The following RMI1 variants were observed in gnomAD, a reference collection of about 807,000 sequenced individuals.
RMI1 encodes recQ-mediated genome instability protein 1.
In RMI1, 36 loss-of-function variants were observed where a neutral mutation model predicts 46.7. The ratio of observed to expected loss-of-function variants is 0.77; its 90% CI spans 0.59 to 1.02. RMI1 has a LOEUF of 1.02. Ranked by LOEUF, RMI1 falls within the 50% of genes least tolerant of loss-of-function variation. The pLI, the probability that RMI1 is intolerant of heterozygous loss-of-function variation, is 0.00. For synonymous variants in RMI1, 250 were observed against 252.9 expected (o/e 0.99, Z 0.11); for missense variants, 676 against 713.7 (o/e 0.95, Z 0.60).
rs774001021 is a variant in RMI1 at position 84,001,736 on chromosome 9, T to C, written c.750T>C (p.Ser250=). The C allele has an allele frequency of 1.2e-6, 2 of 1,613,894 alleles. No individual in the cohort carries two copies. Among genetic ancestry groups the C allele is most frequent in the East Asian group, 4.5e-5 (2 of 44,880 alleles). The change falls in exon 3 of 3, where the codon AGT becomes AGC. Residue 250 remains serine, a synonymous_variant. Transcript: ENST00000445877. ...CTTCTGATGAAGAACTCTTGGCAAG[T>C]CTTGATGAAAATGATGAGCTTACAG... ...LGPSDEELLA[S]LDENDELTAN...
intron 1 of RMI1, among the ~76,000 whole-genome samples, chr9:83,995,118 G>T (rs1957630601): frequency 6.6e-6 from 1 of 152,060 alleles, no homozygotes; most frequent in Non-Finnish European, 1.5e-5. Context: ...TCCTGCCTAA[G>T]CCTCCCGAGT....
At chr9:83,984,200 C>G (rs149027198) in intron 1 of RMI1, among the ~76,000 whole-genome samples, 1 of 151,134 alleles carries the variant, frequency 6.6e-6, no homozygotes, top group Non-Finnish European at 1.5e-5. Flanking sequence ...TATGGCTTTT[C>G]TTTGTCCTTA....
At chr9:83,992,138 T>A (rs1223597232) in intron 1 of RMI1, among the ~76,000 whole-genome samples, 1 of 152,182 alleles carries the variant, frequency 6.6e-6, no homozygotes, top group Non-Finnish European at 1.5e-5. Flanking sequence ...TCCATTTGCT[T>A]AGGTTGTTTT....
At chr9:84,000,084 A>G (rs1312619255) in intron 2 of RMI1, among the ~76,000 whole-genome samples, 2 of 152,226 alleles carry the variant, frequency 1.3e-5, no homozygotes, top group Non-Finnish European at 2.9e-5. Context: ...TTCAAGTACT[A>G]AATGGACAGA....
At chr9:83,988,166 G>T (rs1410383874) in intron 1 of RMI1, among the ~76,000 whole-genome samples, 1 of 152,178 alleles carries the variant, frequency 6.6e-6, no homozygotes, top group Non-Finnish European at 1.5e-5. Context: ...TTACAGGTGT[G>T]TGCCACCACA....
intron 1 of RMI1, among the ~76,000 whole-genome samples, chr9:83,988,307 CTTTTG>C (rs1386917731): frequency 6.6e-6 from 1 of 152,050 alleles, no homozygotes; most frequent in African/African-American, 2.4e-5. Flanking sequence ...AACTGTTTTC[CTTTTG>C]TTTTGTTTTG....
In RMI1 at chr9:83,999,184, AAAAT is replaced by A. The variant is rs1329287684; in HGVS notation, c.-125-521_-125-518del. On this transcript the variant is annotated intron_variant, in intron 1 of 2. Coordinates refer to ENST00000445877, the MANE Select transcript of RMI1 (RefSeq NM_001358291.2). ...AGAATAAAATAGAATAGAATAAAAT[AAAAT>A]AAAAAAAAATAAAATAACAATAAGT... is the stretch of plus-strand genomic sequence containing the variant. Among the ~76,000 whole-genome samples, 611 of 109,500 alleles carry A rather than the reference AAAAT, an allele frequency of 5.6e-3. 3 individuals carry two copies. The highest frequency in any genetic ancestry group is 8.8e-3 in the Admixed American group (82 of 9,268). 71.8% of individuals were successfully genotyped at this position (109,500 alleles called of 152,430 possible). A position where few individuals can be genotyped will look rare whatever the true frequency, so the allele number is the denominator to read the frequency against.
chr9:83,992,736 A>G (rs892367489), intron 1 of RMI1, among the ~76,000 whole-genome samples: 5 of 152,272 alleles, frequency 3.3e-5, no homozygotes, highest in East Asian at 1.9e-4. Context: ...TAAAAGTAAA[A>G]TTGACTTTTG....
rs1392740034 is a variant in RMI1, at chr9:83,997,100, A to AC, written c.-125-2601dup. On this transcript the variant is annotated intron_variant, in intron 1 of 2. Transcript: ENST00000445877. ...TTTTAAAGGTAGAGGTAAGTCCAACACCCCCCCCTTTTTTTTTTTTTTTTT... is the reference window on the plus strand; with the variant it reads ...TTTTAAAGGTAGAGGTAAGTCCAACACCCCCCCCCTTTTTTTTTTTTTTTTT... Among the ~76,000 whole-genome samples the AC allele has an allele frequency of 8.9e-3, 826 of 92,686 alleles. 36 individuals are homozygous for AC. Among genetic ancestry groups the AC allele is most frequent in the African/African-American group, 0.037 (772 of 20,818 alleles). 60.8% of individuals were successfully genotyped at this position (92,686 alleles called of 152,430 possible).
intron 1 of RMI1, among the ~76,000 whole-genome samples, chr9:83,999,308 G>C (rs945042886): frequency 6.6e-6 from 1 of 152,056 alleles, no homozygotes. Flanking sequence ...TGTGTGCCAG[G>C]TGCTGCTTTT....
Position 84,001,626 on chromosome 9 carries a change from C to A in RMI1, c.640C>A (p.Pro214Thr), listed in dbSNP as rs1428843845. 1 of 1,613,880 alleles carries A rather than the reference C, an allele frequency of 6.2e-7. No individual in the cohort carries two copies. Among genetic ancestry groups the A allele is most frequent in the Non-Finnish European group, 8.5e-7 (1 of 1,179,988 alleles). ...EKVLARLIGE[P>T]DLVVSVIPNN... The stretch of plus-strand genomic sequence containing the variant: ...AGTACTTGCAAGATTAATAGGGGAA[C>A]CTGATCTTGTAGTTTCAGTCATACC... Residue 214 changes from proline (P) to threonine (T), a missense_variant, in exon 3 of 3, where the codon CCT becomes ACT. Coordinates refer to ENST00000445877, the MANE Select transcript of RMI1 (RefSeq NM_001358291.2).
chr9:83,986,945 A>G (rs1318618285), intron 1 of RMI1, among the ~76,000 whole-genome samples: 1 of 152,202 alleles, frequency 6.6e-6, no homozygotes, highest in Admixed American at 6.5e-5. Flanking sequence ...AACACCTTTG[A>G]AAATTATACT....
chr9:83,981,730 A>G (rs1957403340), intron 1 of RMI1, among the ~76,000 whole-genome samples: 1 of 152,196 alleles, frequency 6.6e-6, no homozygotes, highest in Non-Finnish European at 1.5e-5. Context: ...ACATGCATAT[A>G]TTTTAGTGTT....
chr9:83,993,327 A>G (rs1957601069), intron 1 of RMI1, among the ~76,000 whole-genome samples: 1 of 152,098 alleles, frequency 6.6e-6, no homozygotes, highest in African/African-American at 2.4e-5. Context: ...ATATGATAGG[A>G]TTTACTTCTT....
At chr9:83,987,656 C>T (rs1267920843) in intron 1 of RMI1, among the ~76,000 whole-genome samples, 3 of 152,150 alleles carry the variant, frequency 2.0e-5, no homozygotes, top group Admixed American at 1.3e-4. Context: ...TGTAGTCAAC[C>T]TCTTTCCACA....
At chr9:83,988,584 A>G (rs140516559) in intron 1 of RMI1, among the ~76,000 whole-genome samples, 1 of 152,236 alleles carries the variant, frequency 6.6e-6, no homozygotes, top group East Asian at 1.9e-4. Flanking sequence ...GATTACAGGC[A>G]TGAGCCACTG....
At chr9:83,991,056 C>A (rs1957566723) in intron 1 of RMI1, among the ~76,000 whole-genome samples, 1 of 152,198 alleles carries the variant, frequency 6.6e-6, no homozygotes, top group South Asian at 2.1e-4. Flanking sequence ...ATCCACCCGC[C>A]TCAGCCTCCC....
intron 1 of RMI1, among the ~76,000 whole-genome samples, chr9:83,998,195 T>G (rs1957686684): frequency 6.6e-6 from 1 of 152,200 alleles, no homozygotes; most frequent in South Asian, 2.1e-4. Flanking sequence ...ATAGTTTATC[T>G]TCATCACAAC....
intron 1 of RMI1, among the ~76,000 whole-genome samples, chr9:83,990,714 CAT>C (rs1207050905): frequency 1.3e-5 from 2 of 151,980 alleles, no homozygotes; most frequent in Admixed American, 6.5e-5. Flanking sequence ...ATCGGAATAT[CAT>C]GTGTACTCCA....
Sources: allele counts gnomAD v4.1 joint callset (sites outside exome capture counted in the v4.1 genomes callset), GRCh38; gene constraint gnomAD v4.1.1; transcripts MANE v1.5; gene names NCBI Gene and HGNC (gene_info 2026-07-23, HGNC 2026-07-21).